Variants in GPC5 observed in about 807,000 individuals in gnomAD.
GPC5 encodes glypican-5.
In GPC5, 47 loss-of-function variants were observed where a neutral mutation model predicts 53.9. The observed-to-expected ratio is 0.87, with a 90% CI of 0.69 to 1.11. The LOEUF (loss-of-function observed/expected upper bound fraction) is 1.11, where lower values mean the gene tolerates loss of function less well. Ranked by LOEUF, GPC5 falls within the 50% of genes most tolerant of loss-of-function variation. The pLI is 0.00. For missense variants in GPC5, 748 were observed against 713.1 expected (o/e 1.05, Z -0.56); for synonymous variants, 286 against 263.3 (o/e 1.09, Z -0.84).
At chr13:91,875,959 AG>A (rs1052591429) in intron 5 of GPC5, among the ~76,000 whole-genome samples, 4 of 152,224 alleles carry the variant, frequency 2.6e-5, no homozygotes, top group South Asian at 2.1e-4. Flanking sequence ...GGAGGGACCC[AG>A]GGGGAGGTAA....
intron 1 of GPC5, among the ~76,000 whole-genome samples, chr13:91,424,953 T>G (rs1280555405): frequency 1.3e-5 from 2 of 152,210 alleles, no homozygotes; most frequent in Non-Finnish European, 2.9e-5. Flanking sequence ...GTTAAACCCT[T>G]GACTAGGATT....
chr13:91,882,487 T>C (rs2039274753), intron 5 of GPC5, among the ~76,000 whole-genome samples: 1 of 151,994 alleles, frequency 6.6e-6, no homozygotes, highest in Admixed American at 6.6e-5. Flanking sequence ...CTTTGAATTC[T>C]ACTTTATGTG....
chr13:92,073,876 G>T (rs1264223721), intron 6 of GPC5, among the ~76,000 whole-genome samples: 2 of 152,132 alleles, frequency 1.3e-5, no homozygotes, highest in African/African-American at 4.8e-5. Context: ...AATCATGGGG[G>T]CTGTTACTCC....
chr13:92,469,762 A>G (rs188674118), intron 7 of GPC5, among the ~76,000 whole-genome samples: 2 of 152,244 alleles, frequency 1.3e-5, no homozygotes, highest in Admixed American at 1.3e-4. Context: ...GGTAAACAGC[A>G]AAAGGGGAAT....
intron 2 of GPC5, among the ~76,000 whole-genome samples, chr13:91,660,285 C>T (rs1407152740): frequency 6.6e-6 from 1 of 152,152 alleles, no homozygotes; most frequent in Non-Finnish European, 1.5e-5. Flanking sequence ...CTGGTTGTGG[C>T]AGCTTGTGGG....
chr13:92,548,449 G>C (rs1361491104), intron 7 of GPC5, among the ~76,000 whole-genome samples: 3 of 150,404 alleles, frequency 2.0e-5, no homozygotes, highest in Non-Finnish European at 4.5e-5. Context: ...ATATATTTAA[G>C]TTATCCTAAA....
intron 4 of GPC5, among the ~76,000 whole-genome samples, chr13:91,732,300 T>A (rs1378216845): frequency 6.6e-6 from 1 of 152,230 alleles, no homozygotes; most frequent in Non-Finnish European, 1.5e-5. Context: ...TTGAGGTTTT[T>A]TTCATATGTT....
intron 7 of GPC5, among the ~76,000 whole-genome samples, chr13:92,791,961 G>T (rs1479480741): frequency 6.6e-6 from 1 of 151,954 alleles, no homozygotes; most frequent in African/African-American, 2.4e-5. Context: ...AAATAAAGCT[G>T]CAAATCAATA....
intron 5 of GPC5, among the ~76,000 whole-genome samples, chr13:91,821,337 A>G (rs2038491578): frequency 6.6e-6 from 1 of 152,212 alleles, no homozygotes; most frequent in African/African-American, 2.4e-5. Context: ...CAACCTTGTT[A>G]AACATCGTAA....
chr13:92,449,054 G>A (rs1041442620), intron 7 of GPC5: 5 of 150,928 alleles, frequency 3.3e-5, no homozygotes, highest in Admixed American at 1.3e-4. Context: ...GTGCAGGCTC[G>A]AGACTCTCTT....
Position 91,524,538 on chromosome 13 carries a change from G to A in GPC5, c.325+75616G>A, listed in dbSNP as rs1885996017. 3.9e-5 allele frequency among the ~76,000 whole-genome samples: 6 copies of A among 152,118 alleles called. No homozygotes were observed. The South Asian group carries it at 1.2e-3, about 32-fold the overall frequency. The stretch of plus-strand genomic sequence containing the variant: ...TATGTACATCTATCTTATTTTTCAA[G>A]GAGAAACGGCATTATTTATATTCTG... On this transcript the variant is annotated intron_variant, in intron 2 of 7. Transcript: ENST00000377067.
rs73620017 is a variant in GPC5 at position 91,987,085 on chromosome 13, T to A, written c.1401+79028T>A. ...GTTAGCCAGGATGGCATAAATGAAC[T>A]GATAATCAGGTAGGAAGACGTTATG... is the stretch of plus-strand genomic sequence containing the variant. On this transcript the variant is annotated intron_variant, in intron 6 of 7. Coordinates refer to ENST00000377067, the MANE Select transcript of GPC5 (RefSeq NM_004466.6). Among the ~76,000 whole-genome samples, 408 of 152,332 alleles carry A rather than the reference T, an allele frequency of 2.7e-3. 3 individuals are homozygous for A. The highest frequency in any genetic ancestry group is 9.5e-3 in the African/African-American group (394 of 41,568).
chr13:92,522,768 A>G (rs1328363706), intron 7 of GPC5, among the ~76,000 whole-genome samples: 2 of 152,134 alleles, frequency 1.3e-5, no homozygotes, highest in Non-Finnish European at 1.5e-5. Context: ...AAAGAATAAT[A>G]AAAAATAGTT....
chr13:92,410,292 A>T (rs1048184604), intron 7 of GPC5, among the ~76,000 whole-genome samples: 1 of 152,184 alleles, frequency 6.6e-6, no homozygotes. Context: ...CACAGATGAC[A>T]GTTGATACTC....
chr13:91,849,760 T>G (rs1017074151), intron 5 of GPC5, among the ~76,000 whole-genome samples: 1 of 152,224 alleles, frequency 6.6e-6, no homozygotes, highest in African/African-American at 2.4e-5. Flanking sequence ...CTTTTTATGC[T>G]TAATATCATC....
chr13:92,487,920 A>T (rs1318271622), intron 7 of GPC5, among the ~76,000 whole-genome samples: 3 of 151,918 alleles, frequency 2.0e-5, no homozygotes, highest in Non-Finnish European at 4.4e-5. Context: ...GAGAAGAGGT[A>T]AGGATTAGTG....
At chr13:91,543,415 C>T (rs1210453774) in intron 2 of GPC5, among the ~76,000 whole-genome samples, 11 of 152,036 alleles carry the variant, frequency 7.2e-5, no homozygotes, top group African/African-American at 2.7e-4. Context: ...ATGAATTTTA[C>T]ATGTCTTTTA....
At chr13:91,830,823 TAA>T (rs2038645114) in intron 5 of GPC5, among the ~76,000 whole-genome samples, 1 of 138,342 alleles carries the variant, frequency 7.2e-6, no homozygotes. Context: ...CTATTATATA[TAA>T]TATATATCCT....
chr13:92,365,961 A>C (rs2139287805), intron 7 of GPC5, among the ~76,000 whole-genome samples: 1 of 151,858 alleles, frequency 6.6e-6, no homozygotes. Context: ...CAAATATTTA[A>C]GCCAGTAACA....
Sources: gnomAD v4.1 joint callset for allele counts (sites outside exome capture counted in the v4.1 genomes callset) on GRCh38, gnomAD v4.1.1 for gene constraint, MANE v1.5 for transcripts, NCBI Gene and HGNC (gene_info 2026-07-23, HGNC 2026-07-21) for gene names.